NHSL2: variants seen among roughly 807,000 people sequenced by gnomAD.
The protein encoded by NHSL2 is NHS-like protein 2.
In NHSL2, 27 loss-of-function variants were observed where a neutral mutation model predicts 53.4. The ratio of observed to expected loss-of-function variants is 0.51; its 90% CI spans 0.37 to 0.70. NHSL2 has a LOEUF of 0.70. Ranked by LOEUF, NHSL2 falls within the 30% of genes least tolerant of loss-of-function variation. The pLI is 0.00. For missense variants in NHSL2, 892 were observed against 980.1 expected (o/e 0.91, Z 1.20); for synonymous variants, 408 against 404.1 (o/e 1.01, Z -0.12).
At chrX:72,044,475 T>G in intron 1 of NHSL2, 1 of 474,507 alleles carries the variant, frequency 2.1e-6, no homozygotes. Context: ...CCTGGATGGT[T>G]TGGGATCCCA....
At chrX:72,010,974 C>T (rs1019387948) in intron 1 of NHSL2, among the ~76,000 whole-genome samples, 2 of 112,331 alleles carry the variant, frequency 1.8e-5, no homozygotes, top group Non-Finnish European at 3.8e-5. Flanking sequence ...ATCTATTCTC[C>T]ATTTCTAAAA....
At chrX:72,112,076 C>G (rs765399633) in intron 1 of NHSL2, among the ~76,000 whole-genome samples, 57 of 110,089 alleles carry the variant, frequency 5.2e-4, no homozygotes, top group African/African-American at 1.9e-3. Context: ...ATGTGAAAAT[C>G]AGGGAAAAGA....
At chrX:71,923,049 G>A (rs1569462966) in intron 1 of NHSL2, among the ~76,000 whole-genome samples, 1 of 112,170 alleles carries the variant, frequency 8.9e-6, no homozygotes, top group Non-Finnish European at 1.9e-5. Flanking sequence ...ACTACCTAAT[G>A]CACATGGGGT....
At chrX:72,000,074 C>CTATG (rs1207263586) in intron 1 of NHSL2, among the ~76,000 whole-genome samples, 1 of 111,530 alleles carries the variant, frequency 9.0e-6, no homozygotes, top group Non-Finnish European at 1.9e-5. Flanking sequence ...TATAATAAAC[C>CTATG]TATGTATGTA....
chrX:71,997,073 A>C (rs1374396737), intron 1 of NHSL2, among the ~76,000 whole-genome samples: 2 of 112,386 alleles, frequency 1.8e-5, no homozygotes, highest in African/African-American at 6.5e-5. Flanking sequence ...TCTTTGTTCC[A>C]ATGGAAACAG....
At chrX:72,121,936 TGTAA>T (rs2042184797) in intron 1 of NHSL2, among the ~76,000 whole-genome samples, 1 of 112,504 alleles carries the variant, frequency 8.9e-6, no homozygotes, top group South Asian at 3.6e-4. Flanking sequence ...TTACTGTTGT[TGTAA>T]GTATCTCAAA....
At chrX:71,962,607 T>C (rs1294995353) in intron 1 of NHSL2, among the ~76,000 whole-genome samples, 1 of 102,755 alleles carries the variant, frequency 9.7e-6, no homozygotes, top group African/African-American at 3.5e-5. Flanking sequence ...GGTAGCAATG[T>C]CCCCACTTTC....
Position 72,144,603 on chromosome X carries a change from TA to T in NHSL2, c.*1032del. 1.1e-6 allele frequency: 1 copy of T among 933,736 alleles called. No homozygotes were observed. The highest frequency in any genetic ancestry group is 1.4e-6 in the Non-Finnish European group (1 of 693,806). The allele number at this position is 933,736 out of a possible 1,213,427, so 77.0% of individuals were successfully genotyped here. ...GGTTTGTGGTTGGTTTGGTTTTGTT[TA>T]AAGGAAGTCCGACTCTGTTCCAAAA... On this transcript the variant is annotated 3_prime_UTR_variant, in exon 8 of 8. Transcript: ENST00000633930.
chrX:72,143,278 A>G lies in NHSL2; in HGVS notation c.3382A>G (p.Lys1128Glu), dbSNP rs1018760510. ...HRSKRKLLGW[K>E]EPGEAFVGGR... ...GTCCAAAAGGAAGCTGCTCGGCTGG[A>G]AGGAACCTGGTGAGGCCTTTGTGGG... Residue 1128 changes from lysine to glutamate, a missense_variant, in exon 8 of 8, where the codon AAG becomes GAG. Transcript: ENST00000633930. The G allele has an allele frequency of 8.6e-7, 1 of 1,158,285 alleles. No individual in the cohort carries two copies. Among genetic ancestry groups the G allele is most frequent in the African/African-American group, 1.8e-5 (1 of 55,240 alleles).
At chrX:71,940,387 A>G (rs6624585) in intron 1 of NHSL2, among the ~76,000 whole-genome samples, 5,847 of 111,823 alleles carry the variant, frequency 0.052, 197 homozygotes, top group East Asian at 0.27. Context: ...GCAAGTGTAA[A>G]CAACTCTTTC....
chrX:72,008,624 T>C (rs2042103756), intron 1 of NHSL2, among the ~76,000 whole-genome samples: 1 of 112,618 alleles, frequency 8.9e-6, no homozygotes, highest in Admixed American at 9.3e-5. Context: ...AGGATTATCA[T>C]GCTGCATGCA....
intron 1 of NHSL2, among the ~76,000 whole-genome samples, chrX:71,994,016 C>G (rs1176718765): frequency 8.9e-6 from 1 of 112,057 alleles, no homozygotes; most frequent in Non-Finnish European, 1.9e-5. Context: ...TCTTGGTCTT[C>G]CACATCTAGC....
chrX:72,066,625 A>AG (rs1299870940), intron 1 of NHSL2, among the ~76,000 whole-genome samples: 1 of 111,572 alleles, frequency 9.0e-6, no homozygotes, highest in Non-Finnish European at 1.9e-5. Context: ...GGGAGAAAGG[A>AG]GGGGTTCCGC....
At chrX:72,025,697 C>A (rs1260250270) in intron 1 of NHSL2, among the ~76,000 whole-genome samples, 1 of 111,945 alleles carries the variant, frequency 8.9e-6, no homozygotes, top group Non-Finnish European at 1.9e-5. Context: ...TAAGTGACAC[C>A]ATTTTTTTCA....
At chrX:71,954,151 G>GT (rs199951502) in intron 1 of NHSL2, among the ~76,000 whole-genome samples, 139 of 112,297 alleles carry the variant, frequency 1.2e-3, no homozygotes, top group African/African-American at 4.0e-3. Flanking sequence ...GGCATCTGGC[G>GT]TTTATCTAGT....
At chrX:72,035,336 T>G (rs1228597443) in intron 1 of NHSL2, among the ~76,000 whole-genome samples, 1 of 59,553 alleles carries the variant, frequency 1.7e-5, no homozygotes, top group African/African-American at 3.6e-5. Flanking sequence ...TGTATTCTGC[T>G]CTCGTTGGGT....
In NHSL2 at chrX:72,143,468, C is replaced by G. The variant is rs1326185750; in HGVS notation, c.3572C>G (p.Ser1191Cys). Residue 1191 changes from serine (S) to cysteine (C), a missense_variant, in exon 8 of 8, where the codon TCT becomes TGT. Transcript: ENST00000633930. ...QKKGSKATPRSRPSAAELLKT... is the reference protein window; with the variant it reads ...QKKGSKATPRCRPSAAELLKT... ...AAGGGAAGTAAGGCAACTCCAAGGT[C>G]TCGTCCCTCAGCAGCTGAACTTCTG... 8.6e-7 allele frequency: 1 copy of G among 1,166,033 alleles called. No individual in the cohort carries two copies. Among genetic ancestry groups the G allele is most frequent in the South Asian group, 1.9e-5 (1 of 52,693 alleles).
chrX:71,938,819 T>C (rs1294586385), intron 1 of NHSL2, among the ~76,000 whole-genome samples: 2 of 112,806 alleles, frequency 1.8e-5, no homozygotes, highest in African/African-American at 6.4e-5. Flanking sequence ...GCACAGGACC[T>C]GTTCCAGGCA....
At chrX:72,105,415 G>T (rs773488034) in intron 1 of NHSL2, among the ~76,000 whole-genome samples, 9 of 111,489 alleles carry the variant, frequency 8.1e-5, no homozygotes, top group Non-Finnish European at 1.3e-4. Flanking sequence ...GGGACAGGGA[G>T]TCAGGACCTA....
Sources: allele counts gnomAD v4.1 joint callset (sites outside exome capture counted in the v4.1 genomes callset), GRCh38; gene constraint gnomAD v4.1.1; transcripts MANE v1.5; gene names NCBI Gene and HGNC (gene_info 2026-07-23, HGNC 2026-07-21).